RALGAPA1: variants seen among roughly 807,000 people sequenced by gnomAD.
The protein encoded by RALGAPA1 is Ral GTPase activating protein catalytic subunit alpha 1.
A neutral mutation model predicts 269.6 loss-of-function variants in RALGAPA1; 52 were observed. The observed-to-expected ratio is 0.19, with a 90% CI of 0.15 to 0.24. The LOEUF (loss-of-function observed/expected upper bound fraction) is 0.24, where lower values mean the gene tolerates loss of function less well. Among genes scored for constraint, RALGAPA1 ranks in the 10% least tolerant of loss-of-function variants. RALGAPA1 has a pLI of 1.00. For missense variants in RALGAPA1, 1,917 were observed against 3,013.9 expected, an observed-to-expected ratio of 0.64 and a Z score of 8.52; for synonymous variants, 817 against 1,008.3, an observed-to-expected ratio of 0.81 and a Z score of 3.60.
intron 1 of RALGAPA1, among the ~76,000 whole-genome samples, chr14:35,794,045 T>C (rs1179520977): frequency 6.6e-6 from 1 of 152,182 alleles, no homozygotes; most frequent in Non-Finnish European, 1.5e-5. Flanking sequence ...AGTAGTTCAA[T>C]GAGGTCAAGT....
At chr14:35,784,875 G>C (rs2075692177) in intron 1 of RALGAPA1, among the ~76,000 whole-genome samples, 1 of 152,060 alleles carries the variant, frequency 6.6e-6, no homozygotes. Flanking sequence ...CCGATGATAG[G>C]CGAGTAATCA....
chr14:35,696,666 AT>A (rs2066926831), intron 17 of RALGAPA1, among the ~76,000 whole-genome samples: 1 of 152,048 alleles, frequency 6.6e-6, no homozygotes, highest in Admixed American at 6.6e-5. Context: ...AAAGTATCAG[AT>A]AAATATTTTT....
chr14:35,675,166 G>A (rs892531248), intron 22 of RALGAPA1, among the ~76,000 whole-genome samples: 15 of 152,094 alleles, frequency 9.9e-5, no homozygotes, highest in African/African-American at 3.6e-4. Flanking sequence ...TTAAGAGTTA[G>A]CATAATGGCA....
At chr14:35,557,750 A>AT in intron 39 of RALGAPA1, among the ~76,000 whole-genome samples, 1 of 152,332 alleles carries the variant, frequency 6.6e-6, no homozygotes, top group East Asian at 1.9e-4. Flanking sequence ...AGATTTACTG[A>AT]TTTTACAAAA....
rs765248185 is a variant in RALGAPA1 at position 35,723,136 on chromosome 14, A to T, written c.1995T>A (p.Thr665=). Residue 665 remains threonine, a synonymous_variant, in exon 15 of 42, where the codon ACT becomes ACA. Transcript: ENST00000680220. The part of the protein sequence containing the change: ...WEELATEWSL[T]METLTKVLAR... Reference sequence around the variant, plus strand: ...CTAAAACTTTAGTTAATGTCTCCATAGTCAGTGACCACTCAGTGGCCAACT... The same window carrying T: ...CTAAAACTTTAGTTAATGTCTCCATTGTCAGTGACCACTCAGTGGCCAACT... The T allele has an allele frequency of 9.9e-6, 16 of 1,609,010 alleles. No individual in the cohort carries two copies. The Admixed American group carries it at 2.0e-4, about 20-fold the overall frequency.
intron 38 of RALGAPA1, among the ~76,000 whole-genome samples, chr14:35,571,855 GA>G (rs1329859520): frequency 6.6e-6 from 1 of 152,200 alleles, no homozygotes; most frequent in Non-Finnish European, 1.5e-5. Context: ...GAACCCTGAA[GA>G]AACCTAAATT....
intron 6 of RALGAPA1, among the ~76,000 whole-genome samples, chr14:35,759,088 G>A (rs148961514): frequency 6.6e-6 from 1 of 152,270 alleles, no homozygotes; most frequent in African/African-American, 2.4e-5. Flanking sequence ...GCAGGACCCT[G>A]TCTCACTCAA....
At chr14:35,715,663 G>A in intron 16 of RALGAPA1, 1 of 932,770 alleles carries the variant, frequency 1.1e-6, no homozygotes, top group Non-Finnish European at 1.3e-6. Flanking sequence ...TACTCCAGAG[G>A]TAATTTGTGT....
intron 16 of RALGAPA1, among the ~76,000 whole-genome samples, chr14:35,711,142 A>G (rs2068293429): frequency 6.6e-6 from 1 of 152,200 alleles, no homozygotes; most frequent in African/African-American, 2.4e-5. Flanking sequence ...GACTTCTTAT[A>G]GTCAACATAT....
chr14:35,605,827 TTA>T, intron 35 of RALGAPA1, 118 bp from the exon 36 acceptor site: 1 of 1,214,274 alleles, frequency 8.2e-7, no homozygotes, highest in Non-Finnish European at 1.1e-6. Context: ...GAATTAGATC[TTA>T]TAGTCTACAG....
intron 36 of RALGAPA1, among the ~76,000 whole-genome samples, chr14:35,601,317 T>C (rs1333841016): frequency 6.6e-6 from 1 of 152,282 alleles, no homozygotes; most frequent in East Asian, 1.9e-4. Flanking sequence ...CATTACCAAC[T>C]GGTAGACATG....
At chr14:35,580,106 CTAATAG>C (rs2057857913) in intron 37 of RALGAPA1, among the ~76,000 whole-genome samples, 1 of 152,156 alleles carries the variant, frequency 6.6e-6, no homozygotes, top group Admixed American at 6.6e-5. Flanking sequence ...TTCCATTACA[CTAATAG>C]TATTTCAGAG....
chr14:35,621,063 T>C (rs1363653547), intron 35 of RALGAPA1, among the ~76,000 whole-genome samples: 1 of 152,196 alleles, frequency 6.6e-6, no homozygotes, highest in Non-Finnish European at 1.5e-5. Context: ...AAGACAATCC[T>C]AAGCAAAAAG....
At chr14:35,706,970 C>T (rs1189708826) in intron 16 of RALGAPA1, 1 of 152,130 alleles carries the variant, frequency 6.6e-6, no homozygotes, top group East Asian at 1.9e-4. Context: ...GTTTTTCTAT[C>T]CATGTACATG....
intron 7 of RALGAPA1, among the ~76,000 whole-genome samples, chr14:35,754,046 C>T (rs930907101): frequency 2.4e-4 from 36 of 152,202 alleles, no homozygotes; most frequent in African/African-American, 7.2e-4. Flanking sequence ...GCCTGGCAGA[C>T]GCTACCTTAA....
rs77046592 is a variant in RALGAPA1 at position 35,577,597 on chromosome 14, T to C, written c.7210-4879A>G. Among the ~76,000 whole-genome samples the C allele has an allele frequency of 8.1e-3, 1,227 of 152,296 alleles. 17 individuals carry two copies. Among genetic ancestry groups the C allele is most frequent in the African/African-American group, 0.028 (1,168 of 41,564 alleles). ...CATTCAGTCTATGGTATTTTTGTTATATCAGCCTGAATGGACTAAGACATT... is the reference window on the plus strand; with the variant it reads ...CATTCAGTCTATGGTATTTTTGTTACATCAGCCTGAATGGACTAAGACATT... On this transcript the variant is annotated intron_variant, in intron 37 of 41. Transcript: ENST00000680220.
chr14:35,600,144 T>G (rs551909397), intron 36 of RALGAPA1, among the ~76,000 whole-genome samples: 4 of 151,756 alleles, frequency 2.6e-5, no homozygotes, highest in African/African-American at 7.2e-5. Flanking sequence ...ACTTTTTTTT[T>G]TTTTTGTTAA....
At chr14:35,551,771 C>T (rs1237269286) in intron 39 of RALGAPA1, among the ~76,000 whole-genome samples, 3 of 151,760 alleles carry the variant, frequency 2.0e-5, no homozygotes, top group African/African-American at 7.3e-5. Context: ...TGGAAAAAAT[C>T]CTAATACACA....
intron 35 of RALGAPA1, among the ~76,000 whole-genome samples, chr14:35,624,994 T>C (rs886332794): frequency 1.3e-5 from 2 of 151,730 alleles, no homozygotes; most frequent in Non-Finnish European, 2.9e-5. Context: ...ATCGAAACCA[T>C]TCTGGTTCAC....
Sources: allele counts gnomAD v4.1 joint callset (sites outside exome capture counted in the v4.1 genomes callset), GRCh38; gene constraint gnomAD v4.1.1; transcripts MANE v1.5; gene names NCBI Gene and HGNC (gene_info 2026-07-23, HGNC 2026-07-21).